SOD2: variants seen among roughly 807,000 people sequenced by gnomAD.
SOD2 encodes the protein superoxide dismutase 2, also known as superoxide dismutase [Mn], mitochondrial.
SOD2 carries 11 observed loss-of-function variants against 27.0 expected under a neutral mutation model. The ratio of observed to expected loss-of-function variants is 0.41; its 90% CI spans 0.26 to 0.67. The LOEUF (loss-of-function observed/expected upper bound fraction) is 0.67, where lower values mean the gene tolerates loss of function less well. Among genes scored for constraint, SOD2 ranks in the 30% least tolerant of loss-of-function variants. The pLI, the probability that SOD2 is intolerant of heterozygous loss-of-function variation, is 0.34. For missense variants in SOD2, 250 were observed against 274.5 expected (o/e 0.91, Z 0.63); for synonymous variants, 105 against 103.0 (o/e 1.02, Z -0.12).
upstream of SOD2, among the ~76,000 whole-genome samples, chr6:159,728,067 C>T (rs1451530090): frequency 2.0e-5 from 3 of 152,358 alleles, no homozygotes; most frequent in Middle Eastern, 3.4e-3. Context: ...CTCCTGAGGA[C>T]CTGGCGGCAC....
intron 2 of SOD2, 140 bp from the exon 3 acceptor site, chr6:159,688,382 C>T: frequency 3.5e-6 from 2 of 576,730 alleles, no homozygotes; most frequent in Non-Finnish European, 6.2e-6. Flanking sequence ...AAATTCAGCA[C>T]CCCCCCGCCC....
At chr6:159,695,431 C>T (rs550127464), upstream of SOD2, among the ~76,000 whole-genome samples, 4 of 152,312 alleles carry the variant, frequency 2.6e-5, no homozygotes, top group South Asian at 6.2e-4. Context: ...CAAAACACTA[C>T]CATGACTGTG....
rs1430574959 is a variant in SOD2 at position 159,674,648 on chromosome 6, T to C, written c.*7845A>G. On this transcript the variant is annotated 3_prime_UTR_variant, in exon 5 of 5. Transcript: ENST00000538183. Reference sequence around the variant, plus strand: ...AACCCACAGCCAATATCAGACTGAATGGGCAAAAACTGGAAGCATTCCCTT... The same window carrying C: ...AACCCACAGCCAATATCAGACTGAACGGGCAAAAACTGGAAGCATTCCCTT... The C allele has an allele frequency of 1.3e-5, 2 of 152,200 alleles. No homozygotes were observed. The highest frequency in any genetic ancestry group is 2.9e-5 in the Non-Finnish European group (2 of 68,046). 9.4% of individuals were successfully genotyped at this position (152,200 alleles called of 1,614,324 possible).
upstream of SOD2, among the ~76,000 whole-genome samples, chr6:159,746,576 A>G (rs947182290): frequency 6.6e-6 from 1 of 152,188 alleles, no homozygotes; most frequent in African/African-American, 2.4e-5. Flanking sequence ...TTTGCCAAGT[A>G]CATCAGTAGT....
chr6:159,761,494 G>A (rs1256211045), exon 1 of SOD2: 2 of 455,828 alleles, frequency 4.4e-6, no homozygotes, highest in Admixed American at 2.4e-5. Flanking sequence ...AGCCCCTCAC[G>A]CGAGCGAATG....
rs1474812241 is a variant in SOD2, at chr6:159,682,377, G to C, written c.*116C>G. 21 of 794,022 alleles carry C rather than the reference G, an allele frequency of 2.6e-5. No individual in the cohort carries two copies. Among genetic ancestry groups the C allele is most frequent in the Non-Finnish European group, 3.5e-5 (19 of 542,790 alleles). The allele number at this position is 794,022 out of a possible 1,614,324, so 49.2% of individuals were successfully genotyped here. ...ACATTAAGTTGTTTATGAAATAAGT[G>C]ACTAAGCAACATCAAGAAATGCTAC... is the stretch of plus-strand genomic sequence containing the variant. On this transcript the variant is annotated 3_prime_UTR_variant, in exon 5 of 5. Transcript: ENST00000538183.
chr6:159,736,315 GT>G (rs765895545), intron 1 of SOD2: 17 of 1,592,206 alleles, frequency 1.1e-5, no homozygotes, highest in Admixed American at 1.7e-5. Context: ...TTGGTTTTGG[GT>G]TTTTTTGTTT....
intron 2 of SOD2, chr6:159,692,328 G>C (rs1392218882): frequency 9.9e-7 from 1 of 1,013,352 alleles, no homozygotes; most frequent in Non-Finnish European, 1.3e-6. Flanking sequence ...CAAAAAAAAC[G>C]AGTGACACAG....
chr6:159,754,700 T>G (rs536947139), intron 1 of SOD2, among the ~76,000 whole-genome samples: 25 of 152,322 alleles, frequency 1.6e-4, no homozygotes, highest in African/African-American at 5.8e-4. Flanking sequence ...ACTGTATTGT[T>G]TGGGGGATAA....
intron 1 of SOD2, among the ~76,000 whole-genome samples, chr6:159,735,450 T>C (rs1448946890): frequency 1.3e-5 from 2 of 152,164 alleles, no homozygotes; most frequent in East Asian, 1.9e-4. Flanking sequence ...GTGTAACATA[T>C]ATTTTAAAAT....
chr6:159,697,278 TG>T (rs1160854728), upstream of SOD2, among the ~76,000 whole-genome samples: 1 of 152,150 alleles, frequency 6.6e-6, no homozygotes, highest in Non-Finnish European at 1.5e-5. Context: ...CTGTGGTTTG[TG>T]GGGTTTTTTT....
At chr6:159,748,301 G>A (rs1306736914), upstream of SOD2, 1 of 1,613,958 alleles carries the variant, frequency 6.2e-7, no homozygotes, top group South Asian at 1.1e-5. This position sits in a 1 kb window ranked among gnomAD's most constrained non-coding sequence, Gnocchi z 5.6. Flanking sequence ...AAGGTGAACT[G>A]GAACAGACTA....
intron 1 of SOD2, chr6:159,755,361 C>G: frequency 6.2e-7 from 1 of 1,614,198 alleles, no homozygotes; most frequent in Non-Finnish European, 8.5e-7. Context: ...AATAAGTCCT[C>G]CAACAGCTCA....
chr6:159,742,640 T>C (rs1196873482), intron 1 of SOD2, among the ~76,000 whole-genome samples: 2 of 152,232 alleles, frequency 1.3e-5, no homozygotes, highest in African/African-American at 4.8e-5. Flanking sequence ...TTTTACTGTT[T>C]GAATCACATA....
chr6:159,733,900 G>A (rs1778744670), intron 1 of SOD2, among the ~76,000 whole-genome samples: 1 of 152,134 alleles, frequency 6.6e-6, no homozygotes, highest in Non-Finnish European at 1.5e-5. Context: ...CGGGCAACAA[G>A]AGCGAAACTC....
upstream of SOD2, among the ~76,000 whole-genome samples, chr6:159,728,242 C>T (rs536635613): frequency 1.3e-5 from 2 of 152,226 alleles, no homozygotes; most frequent in South Asian, 4.1e-4. Context: ...CAAGTCTTAC[C>T]TTGGATCCCT....
upstream of SOD2, among the ~76,000 whole-genome samples, chr6:159,696,920 C>G (rs1189986246): frequency 6.6e-6 from 1 of 152,078 alleles, no homozygotes; most frequent in East Asian, 2.0e-4. Flanking sequence ...GCCTGCAGTC[C>G]TAGCTACGCC....
chr6:159,671,740 G>C lies in SOD2; in HGVS notation c.*10753C>G, dbSNP rs9364531. 33,816 of 152,166 alleles carry C rather than the reference G, an allele frequency of 0.22. 3,998 individuals carry two copies. Among genetic ancestry groups the C allele is most frequent in the East Asian group, 0.4 (2,069 of 5,170 alleles). The allele number at this position is 152,166 out of a possible 1,614,324, so 9.4% of individuals were successfully genotyped here. On this transcript the variant is annotated 3_prime_UTR_variant, in exon 5 of 5. Coordinates refer to ENST00000538183, the MANE Select transcript of SOD2 (RefSeq NM_000636.4). ...GCCAGCAACAGAACAAAGCTGGACG[G>C]AGAATGACTTTGACGAGTTGAGAGA...
intron 1 of SOD2, among the ~76,000 whole-genome samples, chr6:159,739,823 CCTTTTTTTTTTTTT>C (rs1779135992): frequency 2.7e-5 from 3 of 109,280 alleles, no homozygotes; most frequent in East Asian, 3.3e-4. Context: ...ACACTTTTTA[CCTTTTTTTTTTTTT>C]TTTTTTTTTT....
Sources: allele counts gnomAD v4.1 joint callset (sites outside exome capture counted in the v4.1 genomes callset), GRCh38; gene constraint gnomAD v4.1.1; non-coding constraint Gnocchi (gnomAD v3.1); transcripts MANE v1.5; gene names NCBI Gene and HGNC (gene_info 2026-07-23, HGNC 2026-07-21).